CNTN5: variants seen among roughly 807,000 people sequenced by gnomAD.
The protein encoded by CNTN5 is contactin-5.
A neutral mutation model predicts 129.1 loss-of-function variants in CNTN5; 77 were observed. The observed-to-expected ratio is 0.60, with a 90% CI of 0.50 to 0.72. The LOEUF (loss-of-function observed/expected upper bound fraction) is 0.72. Ranked by LOEUF, CNTN5 falls within the 30% of genes least tolerant of loss-of-function variation. The probability of loss-of-function intolerance (pLI) is 0.00; values close to 1 mark genes in which losing one functional copy is unlikely to be tolerated. For synonymous variants in CNTN5, 509 were observed against 465.6 expected (o/e 1.09, Z -1.20); for missense variants, 1,478 against 1,328.8 (o/e 1.11, Z -1.75).
chr11:100,007,808 G>A (rs1020275581), intron 9 of CNTN5, among the ~76,000 whole-genome samples: 2 of 151,192 alleles, frequency 1.3e-5, no homozygotes, highest in African/African-American at 4.9e-5. Flanking sequence ...TCATTCACAA[G>A]TCGGCTAACT....
chr11:100,286,998 G>T (rs1200524616), intron 18 of CNTN5, among the ~76,000 whole-genome samples: 1 of 152,106 alleles, frequency 6.6e-6, no homozygotes, highest in Non-Finnish European at 1.5e-5. Flanking sequence ...CTGGAAGAAA[G>T]GGTATCAGCA....
chr11:99,278,342 A>G (rs1863542789), intron 1 of CNTN5, among the ~76,000 whole-genome samples: 1 of 151,722 alleles, frequency 6.6e-6, no homozygotes, highest in African/African-American at 2.4e-5. Context: ...ATGAGTAAAT[A>G]TCACTCTAAA....
intron 13 of CNTN5, among the ~76,000 whole-genome samples, chr11:100,187,410 G>GT (rs1371544211): frequency 1.3e-4 from 12 of 93,162 alleles, no homozygotes; most frequent in South Asian, 9.7e-4. Flanking sequence ...AGCTGCCAAC[G>GT]GTTTTTTTTT....
intron 3 of CNTN5, among the ~76,000 whole-genome samples, chr11:99,600,908 A>C (rs1257498620): frequency 6.6e-6 from 1 of 152,212 alleles, no homozygotes; most frequent in Non-Finnish European, 1.5e-5. Context: ...GCATCTCTTC[A>C]CTGAATTTCG....
At chr11:99,842,263 T>G (rs1426549655) in intron 4 of CNTN5, among the ~76,000 whole-genome samples, 1 of 152,154 alleles carries the variant, frequency 6.6e-6, no homozygotes, top group Non-Finnish European at 1.5e-5. Flanking sequence ...AAAGGACTGA[T>G]TATTGCCAAT....
At chr11:100,092,093 CT>C (rs145989849) in intron 13 of CNTN5, among the ~76,000 whole-genome samples, 13,768 of 152,010 alleles carry the variant, frequency 0.091, 1,295 homozygotes, top group African/African-American at 0.24. Context: ...AGAGTAATTA[CT>C]TTTTTATGGT....
intron 3 of CNTN5, among the ~76,000 whole-genome samples, chr11:99,735,626 GC>G (rs1943680655): frequency 6.6e-6 from 1 of 152,212 alleles, no homozygotes; most frequent in Non-Finnish European, 1.5e-5. Flanking sequence ...TAAACGGGAA[GC>G]CTACTGAAAT....
At chr11:99,249,720 T>C (rs1041584324) in intron 1 of CNTN5, among the ~76,000 whole-genome samples, 3 of 151,984 alleles carry the variant, frequency 2.0e-5, no homozygotes, top group African/African-American at 7.2e-5. Flanking sequence ...AATATATTGA[T>C]ACCTGAGATT....
intron 2 of CNTN5, among the ~76,000 whole-genome samples, chr11:99,393,800 A>G (rs1048691568): frequency 1.3e-5 from 2 of 151,784 alleles, no homozygotes; most frequent in African/African-American, 4.8e-5. Flanking sequence ...GTACTTAGAA[A>G]CAAAACAATG....
At chr11:99,272,133 G>T (rs1053165362) in intron 1 of CNTN5, among the ~76,000 whole-genome samples, 2 of 151,844 alleles carry the variant, frequency 1.3e-5, no homozygotes, top group Non-Finnish European at 2.9e-5. Context: ...AGAAAACTGA[G>T]CACAGAGCAC....
At chr11:100,267,917 G>C (rs1950337661) in intron 17 of CNTN5, among the ~76,000 whole-genome samples, 1 of 152,160 alleles carries the variant, frequency 6.6e-6, no homozygotes, top group Admixed American at 6.5e-5. Flanking sequence ...TGTGACAGAA[G>C]CTTGGTGACG....
intron 2 of CNTN5, among the ~76,000 whole-genome samples, chr11:99,427,581 A>G (rs1189545116): frequency 6.6e-6 from 1 of 151,896 alleles, no homozygotes; most frequent in East Asian, 1.9e-4. Context: ...CTTGGCTAAC[A>G]CGGTAAAACC....
intron 3 of CNTN5, among the ~76,000 whole-genome samples, chr11:99,582,518 T>C (rs781263860): frequency 6.6e-6 from 1 of 152,180 alleles, no homozygotes; most frequent in East Asian, 1.9e-4. Context: ...GGAGGCTTTG[T>C]TCATTTCTTT....
intron 1 of CNTN5, among the ~76,000 whole-genome samples, chr11:99,072,056 T>TCCATTTATATGAAGTTGA (rs1472071741): frequency 6.6e-6 from 1 of 152,160 alleles, no homozygotes; most frequent in Non-Finnish European, 1.5e-5. Flanking sequence ...AGTGTATATT[T>TCCATTTATATGAAGTTGA]CCATTTATAT....
intron 13 of CNTN5, among the ~76,000 whole-genome samples, chr11:100,153,174 C>T (rs1947124367): frequency 1.3e-5 from 2 of 152,182 alleles, no homozygotes; most frequent in Non-Finnish European, 2.9e-5. Flanking sequence ...TCAGCAAAAT[C>T]GTTTACATGA....
intron 1 of CNTN5, among the ~76,000 whole-genome samples, chr11:99,208,938 A>T (rs1859620779): frequency 6.6e-6 from 1 of 152,148 alleles, no homozygotes; most frequent in Admixed American, 6.6e-5. Context: ...TTTATTGAGC[A>T]TATGCATCTC....
chr11:100,255,662 G>C (rs2298472), intron 16 of CNTN5, 98 bp from the exon 17 acceptor site: 1 of 1,018,364 alleles, frequency 9.8e-7, no homozygotes, highest in African/African-American at 1.6e-5. Context: ...TCATTAAGGT[G>C]ATTACATAGT....
intron 3 of CNTN5, among the ~76,000 whole-genome samples, chr11:99,659,959 C>CT (rs1952535489): frequency 6.6e-6 from 1 of 151,994 alleles, no homozygotes; most frequent in African/African-American, 2.4e-5. Flanking sequence ...GGCAGCTGAC[C>CT]TTTTAGAAAG....
intron 1 of CNTN5, among the ~76,000 whole-genome samples, chr11:99,242,108 T>A (rs1349940144): frequency 6.6e-6 from 1 of 152,132 alleles, no homozygotes; most frequent in African/African-American, 2.4e-5. Context: ...ATATAATATA[T>A]TTTCACAAAT....
Sources: gnomAD v4.1 joint callset for allele counts (sites outside exome capture counted in the v4.1 genomes callset) on GRCh38, gnomAD v4.1.1 for gene constraint, MANE v1.5 for transcripts, NCBI Gene and HGNC (gene_info 2026-07-23, HGNC 2026-07-21) for gene names.